Variants in ASH1L observed in about 807,000 individuals in gnomAD.
The protein encoded by ASH1L is ASH1 like histone lysine methyltransferase.
ASH1L carries 23 observed loss-of-function variants against 269.0 expected under a neutral mutation model. The observed-to-expected ratio is 0.09, with a 90% CI of 0.06 to 0.12. The LOEUF is 0.12. Among genes scored for constraint, ASH1L ranks in the 10% least tolerant of loss-of-function variants. The probability of loss-of-function intolerance (pLI) is 1.00; values close to 1 mark genes in which losing one functional copy is unlikely to be tolerated. For missense variants in ASH1L, 2,912 were observed against 3,567.8 expected (o/e 0.82, Z 4.68); for synonymous variants, 1,187 against 1,253.5 (o/e 0.95, Z 1.12).
At chr1:155,469,601 C>T (rs537963265) in intron 3 of ASH1L, among the ~76,000 whole-genome samples, 1 of 152,304 alleles carries the variant, frequency 6.6e-6, no homozygotes, top group East Asian at 1.9e-4. Context: ...TCAGGTTTTA[C>T]CTCTCCTTTG....
intron 13 of ASH1L, among the ~76,000 whole-genome samples, chr1:155,360,056 T>C (rs1364128006): frequency 1.3e-5 from 2 of 152,038 alleles, no homozygotes; most frequent in Non-Finnish European, 2.9e-5. Context: ...CACATCCAGC[T>C]AATCTTTGTA....
intron 2 of ASH1L, among the ~76,000 whole-genome samples, chr1:155,492,166 G>T (rs994608900): frequency 3.3e-5 from 5 of 151,278 alleles, no homozygotes; most frequent in East Asian, 3.9e-4. Context: ...CTCCCGAGTC[G>T]CTGGGATTAC....
chr1:155,483,969 A>G (rs1213757266), intron 2 of ASH1L, among the ~76,000 whole-genome samples: 3 of 152,194 alleles, frequency 2.0e-5, no homozygotes, highest in East Asian at 1.9e-4. Flanking sequence ...TACCTTCTGT[A>G]TAAGAAAATG....
rs549051476 is a variant in ASH1L at position 155,358,194 on chromosome 1, T to A, written c.6796-445A>T. ...ATAGGGGAAAACAACTGATTGAGAG[T>A]ATAAATAGAAATGGGTTTCCACTGG... is the stretch of plus-strand genomic sequence containing the variant. On this transcript the variant is annotated intron_variant, in intron 13 of 27. Coordinates refer to ENST00000392403, the MANE Select transcript of ASH1L (RefSeq NM_018489.3). 4.6e-5 allele frequency among the ~76,000 whole-genome samples: 7 copies of A among 151,980 alleles called. No individual in the cohort carries two copies. The East Asian group carries it at 1.4e-3, about 29-fold the overall frequency.
At chr1:155,381,524 T>G (rs555054542) in intron 7 of ASH1L, among the ~76,000 whole-genome samples, 1 of 150,160 alleles carries the variant, frequency 6.7e-6, no homozygotes, top group East Asian at 2.0e-4. Context: ...CACTCCAGCC[T>G]GGACAATAGT....
chr1:155,553,262 T>C (rs958479808), intron 1 of ASH1L, among the ~76,000 whole-genome samples: 4 of 152,240 alleles, frequency 2.6e-5, no homozygotes, highest in Non-Finnish European at 5.9e-5. Context: ...CCTGATTAAC[T>C]AGAATGCTGA....
At chr1:155,556,401 CGT>C (rs71080711) in intron 1 of ASH1L, among the ~76,000 whole-genome samples, 56,332 of 140,226 alleles carry the variant, frequency 0.4, 12,037 homozygotes, top group Middle Eastern at 0.58. Flanking sequence ...CATATATATA[CGT>C]GTGTGTGTGT....
At chr1:155,429,701 G>T (rs761007256) in intron 5 of ASH1L, among the ~76,000 whole-genome samples, 47 of 152,026 alleles carry the variant, frequency 3.1e-4, no homozygotes, top group Non-Finnish European at 6.2e-4. Context: ...CAAGAAAAGG[G>T]GTTTACAAAC....
chr1:155,492,261 T>C (rs1251286411), intron 2 of ASH1L, among the ~76,000 whole-genome samples: 1 of 151,958 alleles, frequency 6.6e-6, no homozygotes, highest in Non-Finnish European at 1.5e-5. Context: ...TTGGTCAGGC[T>C]GGTCTCGAAC....
chr1:155,407,786 T>G lies in ASH1L; in HGVS notation c.6008+7958A>C, dbSNP rs186619431. Among the ~76,000 whole-genome samples the G allele has an allele frequency of 3.3e-3, 502 of 151,998 alleles. 3 individuals carry two copies. The highest frequency in any genetic ancestry group is 0.012 in the African/African-American group (485 of 41,466). Reference sequence around the variant, plus strand: ...ACATGCATGAAACCTGAAAACAATATGCTAAGTGAAAAAACTCAGTCACAA... The same window carrying G: ...ACATGCATGAAACCTGAAAACAATAGGCTAAGTGAAAAAACTCAGTCACAA... On this transcript the variant is annotated intron_variant, in intron 6 of 27. Coordinates refer to ENST00000392403, the MANE Select transcript of ASH1L (RefSeq NM_018489.3).
At chr1:155,487,725 G>A (rs1666425685) in intron 2 of ASH1L, among the ~76,000 whole-genome samples, 1 of 151,900 alleles carries the variant, frequency 6.6e-6, no homozygotes, top group South Asian at 2.1e-4. Flanking sequence ...CCATATGGCT[G>A]AGTTCATGAA....
chr1:155,441,279 G>C (rs899855998), intron 4 of ASH1L, among the ~76,000 whole-genome samples: 1 of 151,502 alleles, frequency 6.6e-6, no homozygotes, highest in Non-Finnish European at 1.5e-5. Flanking sequence ...GAAAAGGTCT[G>C]TCTCTCTCTC....
intron 24 of ASH1L, among the ~76,000 whole-genome samples, chr1:155,342,406 G>A (rs956125993): frequency 6.6e-6 from 1 of 152,184 alleles, no homozygotes; most frequent in Non-Finnish European, 1.5e-5. Flanking sequence ...AGGTTACGAG[G>A]AGTTACAAGA....
intron 5 of ASH1L, among the ~76,000 whole-genome samples, chr1:155,417,458 A>T (rs556168372): frequency 3.5e-4 from 54 of 152,304 alleles, no homozygotes; most frequent in Non-Finnish European, 5.6e-4. Flanking sequence ...TACGTTGTGC[A>T]TGTGAAGGGT....
chr1:155,557,909 C>T (rs1013093116), intron 1 of ASH1L, among the ~76,000 whole-genome samples: 2 of 152,176 alleles, frequency 1.3e-5, no homozygotes, highest in African/African-American at 2.4e-5. Context: ...GCAGATCTCA[C>T]AGCAGATTAT....
chr1:155,460,495 C>T (rs946187493), intron 3 of ASH1L, among the ~76,000 whole-genome samples: 2 of 152,108 alleles, frequency 1.3e-5, no homozygotes, highest in African/African-American at 4.8e-5. Flanking sequence ...GTAATCCCAG[C>T]TACTCGAGAG....
chr1:155,473,309 T>C (rs1297078773), intron 3 of ASH1L, among the ~76,000 whole-genome samples: 2 of 152,150 alleles, frequency 1.3e-5, no homozygotes. Context: ...TCTCAATGTT[T>C]GTACAAAAGA....
At chr1:155,411,590 T>TATATATATAAATATATATATATAA (rs1659797814) in intron 6 of ASH1L, among the ~76,000 whole-genome samples, 1 of 18,170 alleles carries the variant, frequency 5.5e-5, no homozygotes, top group Admixed American at 7.2e-4. Flanking sequence ...TAAATAAATA[T>TATATATATAAATATATATATATAA]ATATATATAT....
Position 155,466,867 on chromosome 1 carries a change from T to C in ASH1L, c.4985-6969A>G, listed in dbSNP as rs541859361. 3.2e-4 allele frequency among the ~76,000 whole-genome samples: 48 copies of C among 152,338 alleles called. No individual in the cohort carries two copies. The Middle Eastern group carries it at 0.014, about 43-fold the overall frequency. On this transcript the variant is annotated intron_variant, in intron 3 of 27. Coordinates refer to ENST00000392403, the MANE Select transcript of ASH1L (RefSeq NM_018489.3). ...CTAGAGAAATTGTTTGAGATCAGTA[T>C]ATTCTGATCAAAGCTTATACTCTTC...
Sources: gnomAD v4.1 joint callset for allele counts (sites outside exome capture counted in the v4.1 genomes callset) on GRCh38, gnomAD v4.1.1 for gene constraint, MANE v1.5 for transcripts, NCBI Gene and HGNC (gene_info 2026-07-23, HGNC 2026-07-21) for gene names.